Variants in ZNF532 observed in about 807,000 individuals in gnomAD.
ZNF532 encodes the protein zinc finger protein 532.
ZNF532 carries 22 observed loss-of-function variants against 89.3 expected under a neutral mutation model. The observed-to-expected ratio is 0.25, with a 90% CI of 0.18 to 0.35. The LOEUF is 0.35. Ranked by LOEUF, ZNF532 falls within the 10% of genes least tolerant of loss-of-function variation. ZNF532 has a pLI of 1.00. For missense variants in ZNF532, 1,132 were observed against 1,643.4 expected (o/e 0.69, Z 5.38); for synonymous variants, 606 against 649.6 (o/e 0.93, Z 1.02).
At chr18:58,972,957 C>G (rs896802712) in intron 7 of ZNF532, among the ~76,000 whole-genome samples, 1 of 152,202 alleles carries the variant, frequency 6.6e-6, no homozygotes, top group Admixed American at 6.5e-5. Context: ...TTGACAGCTT[C>G]TGTTCTCAAG....
intron 2 of ZNF532, among the ~76,000 whole-genome samples, chr18:58,910,171 C>T (rs2060192938): frequency 6.6e-6 from 1 of 152,218 alleles, no homozygotes; most frequent in Non-Finnish European, 1.5e-5. Context: ...GTAATTCTAA[C>T]ACACTTGTGA....
intron 2 of ZNF532, among the ~76,000 whole-genome samples, chr18:58,914,710 A>G (rs960353020): frequency 6.6e-6 from 1 of 152,186 alleles, no homozygotes; most frequent in Admixed American, 6.5e-5. Flanking sequence ...ATAAAAGACT[A>G]TTATTGCCTT....
At chr18:58,874,526 G>C (rs570934800) in intron 2 of ZNF532, among the ~76,000 whole-genome samples, 2 of 152,134 alleles carry the variant, frequency 1.3e-5, no homozygotes, top group Non-Finnish European at 2.9e-5. Context: ...TGTTTTTTTA[G>C]TAGAGACTGG....
rs775915984 is a variant in ZNF532, at chr18:58,919,512, T to G, written c.1225T>G (p.Ser409Ala). 8 of 1,614,096 alleles carry G rather than the reference T, an allele frequency of 5.0e-6. No homozygotes were observed. In the Admixed American group the frequency reaches 1.3e-4, roughly 27 times the overall value. ...GGCCTCTGTGACATCCCTTCTGTCG[T>G]CTCCAGCATCAGCCGCCGTCCTTTC... ...VMASVTSLLS[S>A]PASAAVLSSP... Residue 409 changes from serine to alanine, a missense_variant, in exon 3 of 10, where the codon TCT becomes GCT. By Grantham distance (99) the Ser-to-Ala change is moderately conservative (BLOSUM62 1). Coordinates refer to ENST00000591808, the MANE Select transcript of ZNF532 (RefSeq NM_001375912.1). The surrounding 1 kb of genome is among the most constrained non-coding windows in gnomAD (Gnocchi z 6.1).
chr18:58,919,601 C>A lies in ZNF532; in HGVS notation c.1314C>A (p.Leu438=), dbSNP rs767054964. 3.1e-6 allele frequency: 5 copies of A among 1,614,184 alleles called. No individual in the cohort carries two copies. In the Admixed American group the frequency reaches 8.3e-5, roughly 27 times the overall value. The change falls in exon 3 of 10, where the codon CTC becomes CTA. Residue 438 remains leucine (L), a synonymous_variant. Transcript: ENST00000591808. This position sits in a 1 kb window ranked among gnomAD's most constrained non-coding sequence, Gnocchi z 6.1. ...CCAATGCAGTTTCCCCTGCAGAGCT[C>A]ACCCCCAAACAGGTCACAATCAAGC... ...VVTNAVSPAE[L]TPKQVTIKPV...
intron 7 of ZNF532, among the ~76,000 whole-genome samples, chr18:58,966,966 G>A (rs574500118): frequency 6.6e-6 from 1 of 152,216 alleles, no homozygotes; most frequent in African/African-American, 2.4e-5. Context: ...TTGTTATGGT[G>A]TGCACGTTTT....
chr18:58,974,004 A>G (rs1449761642), intron 7 of ZNF532, among the ~76,000 whole-genome samples: 1 of 152,174 alleles, frequency 6.6e-6, no homozygotes, highest in African/African-American at 2.4e-5. Context: ...TTGATTATAA[A>G]GGGCACGTGG....
chr18:58,970,895 A>G (rs980149927), intron 7 of ZNF532, among the ~76,000 whole-genome samples: 1 of 152,216 alleles, frequency 6.6e-6, no homozygotes, highest in African/African-American at 2.4e-5. Context: ...CATTGGCATG[A>G]TGCTGGCAGC....
chr18:58,925,890 CAGTT>C (rs1184526210), intron 3 of ZNF532, among the ~76,000 whole-genome samples: 35 of 152,278 alleles, frequency 2.3e-4, no homozygotes, highest in Middle Eastern at 3.4e-3. Flanking sequence ...TGTCAAGTAT[CAGTT>C]AGGCATTTGT....
At chr18:58,957,560 TAGG>T (rs934977340) in intron 7 of ZNF532, among the ~76,000 whole-genome samples, 2 of 151,990 alleles carry the variant, frequency 1.3e-5, no homozygotes, top group African/African-American at 4.8e-5. Context: ...TATTTCAGGT[TAGG>T]AGTAAATTTA....
chr18:58,923,416 A>C (rs1296714186), intron 3 of ZNF532, among the ~76,000 whole-genome samples: 1 of 151,720 alleles, frequency 6.6e-6, no homozygotes, highest in Non-Finnish European at 1.5e-5. Context: ...CTTCTGCCTC[A>C]GTAGGAATAG....
At chr18:58,939,051 A>C (rs2062719616) in intron 4 of ZNF532, among the ~76,000 whole-genome samples, 1 of 152,096 alleles carries the variant, frequency 6.6e-6, no homozygotes, top group East Asian at 1.9e-4. Context: ...GTTTGAGACC[A>C]GCTTGGCCAA....
At chr18:58,977,536 G>A (rs1056822889) in intron 7 of ZNF532, 1 of 152,148 alleles carries the variant, frequency 6.6e-6, no homozygotes, top group Admixed American at 6.6e-5. Flanking sequence ...AAGCGGTTAT[G>A]GGAAAATGAT....
In ZNF532 at chr18:58,864,901, C is replaced by T. The variant is rs2056312494; in HGVS notation, c.-612C>T. The stretch of plus-strand genomic sequence containing the variant: ...CAGTAGGATAGCAGCTTCCTCCCTT[C>T]ATGGCAGCCAAAAGCAGAGGAGCTT... On this transcript the variant is annotated 5_prime_UTR_variant, in exon 1 of 10. Transcript: ENST00000591808. 1 of 152,360 alleles carries T rather than the reference C, an allele frequency of 6.6e-6. No individual in the cohort carries two copies. The highest frequency in any genetic ancestry group is 2.1e-4 in the South Asian group (1 of 4,826). The allele number at this position is 152,360 out of a possible 1,614,324, so 9.4% of individuals were successfully genotyped here.
intron 2 of ZNF532, among the ~76,000 whole-genome samples, chr18:58,871,875 G>C (rs2057012650): frequency 6.6e-6 from 1 of 152,240 alleles, no homozygotes; most frequent in South Asian, 2.1e-4. Flanking sequence ...TTGGAGGGGA[G>C]AAGGGCTAGA....
At chr18:58,880,774 CTGT>C (rs1568227903) in intron 2 of ZNF532, among the ~76,000 whole-genome samples, 36 of 142,242 alleles carry the variant, frequency 2.5e-4, no homozygotes, top group African/African-American at 9.6e-4. Flanking sequence ...GCGCGCGCGT[CTGT>C]GTGTGTGTGT....
chr18:58,931,232 TGCTTTATCCTCTACTAAGTA>T (rs984272263), intron 3 of ZNF532, among the ~76,000 whole-genome samples: 2 of 152,210 alleles, frequency 1.3e-5, no homozygotes, highest in Non-Finnish European at 2.9e-5. Context: ...CACATTAAAC[TGCTTTATCCTCTACTAAGTA>T]GCTTCAGCTT....
chr18:58,906,961 C>A (rs1365241234), intron 2 of ZNF532, among the ~76,000 whole-genome samples: 1 of 152,162 alleles, frequency 6.6e-6, no homozygotes, highest in Non-Finnish European at 1.5e-5. Context: ...TAAATTTTAA[C>A]AAAGACCCAA....
At chr18:58,951,938 T>C (rs373013536) in intron 6 of ZNF532, among the ~76,000 whole-genome samples, 56 of 152,222 alleles carry the variant, frequency 3.7e-4, no homozygotes, top group East Asian at 1.4e-3. Flanking sequence ...CGTGAGCCAC[T>C]GCGCGTGGCC....
Sources: allele counts gnomAD v4.1 joint callset (sites outside exome capture counted in the v4.1 genomes callset), GRCh38; gene constraint gnomAD v4.1.1; non-coding constraint Gnocchi (gnomAD v3.1); transcripts MANE v1.5; gene names NCBI Gene and HGNC (gene_info 2026-07-23, HGNC 2026-07-21).